TRPM3: variants seen among roughly 807,000 people sequenced by gnomAD.
TRPM3 encodes transient receptor potential cation channel subfamily M member 3.
TRPM3 carries 77 observed loss-of-function variants against 181.2 expected under a neutral mutation model. The ratio of observed to expected loss-of-function variants is 0.42; its 90% CI spans 0.35 to 0.51. TRPM3 has a LOEUF of 0.51. Ranked by LOEUF, TRPM3 falls within the 20% of genes least tolerant of loss-of-function variation. TRPM3 has a pLI of 0.01. For missense variants in TRPM3, 1,759 were observed against 2,196.7 expected, an observed-to-expected ratio of 0.80 and a Z score of 3.98; for synonymous variants, 745 against 796.4, an observed-to-expected ratio of 0.94 and a Z score of 1.09.
chr9:71,100,449 T>C (rs2068149189), intron 1 of TRPM3, among the ~76,000 whole-genome samples: 1 of 152,138 alleles, frequency 6.6e-6, no homozygotes, highest in East Asian at 1.9e-4. Context: ...TCCCAGCTCA[T>C]CACAACAGTT....
At chr9:71,394,341 A>T (rs1306188654) in intron 1 of TRPM3, among the ~76,000 whole-genome samples, 1 of 152,210 alleles carries the variant, frequency 6.6e-6, no homozygotes, top group Non-Finnish European at 1.5e-5. Context: ...ACCACAGAAA[A>T]CATAGTTTGA....
intron 1 of TRPM3, among the ~76,000 whole-genome samples, chr9:71,195,607 G>C (rs370811387): frequency 1.6e-3 from 239 of 152,174 alleles, no homozygotes; most frequent in African/African-American, 5.5e-3. Context: ...CCATTACTGG[G>C]TATGTATCCA....
intron 6 of TRPM3, among the ~76,000 whole-genome samples, chr9:70,821,895 A>C (rs1322231461): frequency 6.6e-6 from 1 of 152,162 alleles, no homozygotes. Flanking sequence ...AAAACCATAC[A>C]ACTCTGATGA....
chr9:70,838,457 A>T (rs566688342), intron 5 of TRPM3, among the ~76,000 whole-genome samples: 1 of 152,264 alleles, frequency 6.6e-6, no homozygotes, highest in Non-Finnish European at 1.5e-5. Context: ...CAGCCTCCTG[A>T]ATTGTGGAAA....
At chr9:71,327,770 T>A (rs1223976182) in intron 1 of TRPM3, among the ~76,000 whole-genome samples, 3 of 152,226 alleles carry the variant, frequency 2.0e-5, no homozygotes, top group African/African-American at 4.8e-5. Context: ...AATCTGTGCC[T>A]GCTAACATCT....
intron 1 of TRPM3, among the ~76,000 whole-genome samples, chr9:71,155,598 A>G (rs1412598818): frequency 6.0e-5 from 9 of 150,882 alleles, no homozygotes; most frequent in African/African-American, 2.0e-4. Flanking sequence ...TAGGTGATCC[A>G]CCTGCCTCAG....
At chr9:70,673,792 T>TA (rs1359061826) in intron 9 of TRPM3, among the ~76,000 whole-genome samples, 2 of 151,092 alleles carry the variant, frequency 1.3e-5, no homozygotes, top group African/African-American at 2.4e-5. Flanking sequence ...AAAAAATAAA[T>TA]AAAAAAATTA....
chr9:71,119,061 G>A (rs1445732057), intron 1 of TRPM3, among the ~76,000 whole-genome samples: 1 of 152,180 alleles, frequency 6.6e-6, no homozygotes, highest in African/African-American at 2.4e-5. Context: ...CAGCCAGAGA[G>A]TGGACAATAC....
intron 21 of TRPM3, among the ~76,000 whole-genome samples, chr9:70,591,451 C>T (rs904125200): frequency 1.4e-4 from 21 of 152,176 alleles, no homozygotes; most frequent in African/African-American, 3.9e-4. Flanking sequence ...GAAGCCTCTT[C>T]GTTTTTCATT....
At chr9:70,757,795 A>G (rs1401604766) in intron 8 of TRPM3, among the ~76,000 whole-genome samples, 2 of 152,076 alleles carry the variant, frequency 1.3e-5, no homozygotes, top group African/African-American at 4.8e-5. Flanking sequence ...CATGCTAAAA[A>G]CTCTCAGTAA....
intron 1 of TRPM3, among the ~76,000 whole-genome samples, chr9:71,215,033 C>CAAAAAAAAAAAA (rs67349189): frequency 1.9e-5 from 2 of 105,846 alleles, no homozygotes; most frequent in Non-Finnish European, 3.9e-5. Flanking sequence ...CACCAAAAAA[C>CAAAAAAAAAAAA]AAAAAAAAAA....
At chr9:70,937,381 A>C (rs986631274) in intron 1 of TRPM3, among the ~76,000 whole-genome samples, 9 of 152,140 alleles carry the variant, frequency 5.9e-5, no homozygotes, top group Non-Finnish European at 7.4e-5. Flanking sequence ...TATGATTCTA[A>C]ATGCAGTCTT....
chr9:71,306,470 C>T (rs1412047678), intron 1 of TRPM3, among the ~76,000 whole-genome samples: 3 of 152,162 alleles, frequency 2.0e-5, no homozygotes, highest in South Asian at 2.1e-4. Context: ...GAAACTTTTA[C>T]TCTACTTCTC....
At chr9:70,680,821 A>C (rs542473737) in intron 9 of TRPM3, among the ~76,000 whole-genome samples, 2 of 152,228 alleles carry the variant, frequency 1.3e-5, no homozygotes, top group African/African-American at 2.4e-5. Context: ...AAGCACAGGA[A>C]GGATTGGATT....
chr9:71,086,313 A>G (rs535964555), intron 1 of TRPM3, among the ~76,000 whole-genome samples: 8 of 152,054 alleles, frequency 5.3e-5, no homozygotes, highest in African/African-American at 1.9e-4. Context: ...TAATATACTC[A>G]TAGGAAAAAC....
intron 1 of TRPM3, among the ~76,000 whole-genome samples, chr9:71,223,567 C>T (rs921440984): frequency 6.6e-5 from 10 of 152,172 alleles, no homozygotes; most frequent in African/African-American, 2.4e-4. Context: ...GGTAATAGCT[C>T]AGTCACAGTG....
chr9:70,671,135 C>A (rs2062841799), intron 9 of TRPM3, among the ~76,000 whole-genome samples: 1 of 152,068 alleles, frequency 6.6e-6, no homozygotes, highest in Non-Finnish European at 1.5e-5. Context: ...AAATAGATAT[C>A]CCAGATGTTT....
chr9:71,268,172 G>A (rs998345113), intron 1 of TRPM3, among the ~76,000 whole-genome samples: 1 of 152,136 alleles, frequency 6.6e-6, no homozygotes, highest in Admixed American at 6.5e-5. Flanking sequence ...CATGAGGTCA[G>A]GAGTTCAACG....
At chr9:71,027,839 C>T (rs932361199) in intron 1 of TRPM3, among the ~76,000 whole-genome samples, 2 of 152,130 alleles carry the variant, frequency 1.3e-5, no homozygotes, top group African/African-American at 4.8e-5. Context: ...ATCTATGAAT[C>T]ACTGGAATCC....
Sources: gnomAD v4.1 joint callset for allele counts (sites outside exome capture counted in the v4.1 genomes callset) on GRCh38, gnomAD v4.1.1 for gene constraint, MANE v1.5 for transcripts, NCBI Gene and HGNC (gene_info 2026-07-23, HGNC 2026-07-21) for gene names.